The following PRKD1 variants were observed in gnomAD, a reference collection of about 807,000 sequenced individuals.
PRKD1 encodes protein kinase D1, also known as serine/threonine-protein kinase D1.
In PRKD1, 63 loss-of-function variants were observed where a neutral mutation model predicts 95.9. That is an observed-to-expected ratio of 0.66 (90% CI 0.54 to 0.81). The LOEUF (loss-of-function observed/expected upper bound fraction) is 0.81. PRKD1 is among the 30% of genes least tolerant of loss of function. The pLI is 0.00. For missense variants in PRKD1, 1,048 were observed against 1,165.3 expected, an observed-to-expected ratio of 0.90 and a Z score of 1.47; for synonymous variants, 425 against 423.1, an observed-to-expected ratio of 1.00 and a Z score of -0.05.
chr14:29,882,131 T>C (rs569830592), intron 1 of PRKD1, among the ~76,000 whole-genome samples: 6 of 147,812 alleles, frequency 4.1e-5, no homozygotes, highest in Non-Finnish European at 6.0e-5. Flanking sequence ...TGAATAACTT[T>C]CTTGATTACA....
chr14:29,599,177 T>C, intron 14 of PRKD1, 52 bp from the exon 15 acceptor site: 1 of 1,502,212 alleles, frequency 6.7e-7, no homozygotes, highest in Non-Finnish European at 9.2e-7. Context: ...TTTCAAAATG[T>C]CTTCTACCAG....
intron 1 of PRKD1, among the ~76,000 whole-genome samples, chr14:29,809,353 C>G (rs756276297): frequency 5.9e-5 from 9 of 152,238 alleles, no homozygotes; most frequent in Non-Finnish European, 1.3e-4. Context: ...ACAAGGGAGT[C>G]AGCCTCTGCT....
chr14:29,826,343 T>C (rs868569332), intron 1 of PRKD1, among the ~76,000 whole-genome samples: 1 of 8,612 alleles, frequency 1.2e-4, no homozygotes, highest in African/African-American at 4.5e-4. Context: ...AATATATATA[T>C]ACATATATAT....
intron 14 of PRKD1, 53 bp from the exon 15 acceptor site, chr14:29,599,178 C>A: frequency 6.7e-7 from 1 of 1,494,158 alleles, no homozygotes. Flanking sequence ...TTCAAAATGT[C>A]TTCTACCAGT....
At chr14:29,814,338 T>C (rs1258709439) in intron 1 of PRKD1, among the ~76,000 whole-genome samples, 3 of 152,182 alleles carry the variant, frequency 2.0e-5, no homozygotes, top group Non-Finnish European at 4.4e-5. Context: ...TCTTCCTCTT[T>C]CCAAGTTTCA....
At chr14:29,903,630 G>A (rs1894397015) in intron 1 of PRKD1, among the ~76,000 whole-genome samples, 1 of 152,122 alleles carries the variant, frequency 6.6e-6, no homozygotes, top group South Asian at 2.1e-4. Flanking sequence ...AAGCCATTCT[G>A]AAGACTCAAA....
At chr14:29,692,201 T>C (rs1300988237) in intron 2 of PRKD1, among the ~76,000 whole-genome samples, 3 of 128,392 alleles carry the variant, frequency 2.3e-5, no homozygotes, top group African/African-American at 1.1e-4. Context: ...CAGAAAAAAC[T>C]TCCTGTTCAT....
chr14:29,795,622 T>C (rs1889779334), intron 1 of PRKD1, among the ~76,000 whole-genome samples: 1 of 152,148 alleles, frequency 6.6e-6, no homozygotes, highest in South Asian at 2.1e-4. Flanking sequence ...ATCAGAGTTC[T>C]TTTCTACTGT....
rs45596841 is a variant in PRKD1, at chr14:29,666,840, T to A, written c.404-632A>T. 3.3e-3 allele frequency among the ~76,000 whole-genome samples: 510 copies of A among 152,280 alleles called. 3 individuals are homozygous for A. Among genetic ancestry groups the A allele is most frequent in the African/African-American group, 0.012 (481 of 41,554 alleles). On this transcript the variant is annotated intron_variant, in intron 2 of 17. Transcript: ENST00000331968. ...GAGAGGGATTTAATACATACGCTGGTGAACTGCAGTCCATTCTGAGAAATA... is the reference window on the plus strand; with the variant it reads ...GAGAGGGATTTAATACATACGCTGGAGAACTGCAGTCCATTCTGAGAAATA...
At chr14:29,607,880 T>TG (rs939326916) in intron 13 of PRKD1, among the ~76,000 whole-genome samples, 128 of 152,240 alleles carry the variant, frequency 8.4e-4, no homozygotes, top group African/African-American at 2.9e-3. Flanking sequence ...CAGGGGTATG[T>TG]GGGGGGGCAT....
chr14:29,675,158 G>A (rs1389023610), intron 2 of PRKD1, among the ~76,000 whole-genome samples: 6 of 152,186 alleles, frequency 3.9e-5, no homozygotes, highest in Admixed American at 1.3e-4. Flanking sequence ...TCTTCACGAA[G>A]ATTCATGACT....
chr14:29,648,733 C>A (rs919849060), intron 4 of PRKD1, among the ~76,000 whole-genome samples: 1 of 152,126 alleles, frequency 6.6e-6, no homozygotes, highest in Non-Finnish European at 1.5e-5. Flanking sequence ...CGGCTCACTG[C>A]CAGCTCTGCC....
Position 29,679,547 on chromosome 14 carries a change from T to C in PRKD1, c.404-13339A>G, listed in dbSNP as rs1013910578. Among the ~76,000 whole-genome samples, 15 of 152,302 alleles carry C rather than the reference T, an allele frequency of 9.8e-5. 1 individual carries two copies. The East Asian group carries it at 2.9e-3, about 29-fold the overall frequency. ...ATTCATAGTCAACCTTCTAGGATTA[T>C]ATATTCTAGCTAAAGAGCTGTGATA... is the stretch of plus-strand genomic sequence containing the variant. On this transcript the variant is annotated intron_variant, in intron 2 of 17. Transcript: ENST00000331968.
intron 4 of PRKD1, among the ~76,000 whole-genome samples, chr14:29,654,325 C>G (rs952751510): frequency 7.2e-5 from 11 of 152,032 alleles, no homozygotes; most frequent in Non-Finnish European, 1.5e-4. Flanking sequence ...GTGCGTGCCA[C>G]CATGCCTGGC....
At chr14:29,844,952 A>G (rs1353566305) in intron 1 of PRKD1, among the ~76,000 whole-genome samples, 2 of 152,194 alleles carry the variant, frequency 1.3e-5, no homozygotes, top group South Asian at 2.1e-4. Flanking sequence ...TAATGACCAT[A>G]TAACATTTCT....
chr14:29,871,587 A>G (rs1893110504), intron 1 of PRKD1, among the ~76,000 whole-genome samples: 2 of 152,206 alleles, frequency 1.3e-5, no homozygotes, highest in Non-Finnish European at 2.9e-5. Flanking sequence ...AGTGTAACTA[A>G]TGTAGGATTA....
intron 1 of PRKD1, among the ~76,000 whole-genome samples, chr14:29,764,713 T>C (rs1387350763): frequency 6.6e-6 from 1 of 152,180 alleles, no homozygotes; most frequent in Non-Finnish European, 1.5e-5. Context: ...AATTATATCC[T>C]AAAGGCCACA....
At chr14:29,713,661 T>C (rs1391182257) in intron 2 of PRKD1, among the ~76,000 whole-genome samples, 1 of 152,154 alleles carries the variant, frequency 6.6e-6, no homozygotes, top group Non-Finnish European at 1.5e-5. Flanking sequence ...CATTCATAAA[T>C]GGTACAAATA....
intron 4 of PRKD1, among the ~76,000 whole-genome samples, chr14:29,648,828 G>A (rs1176346521): frequency 6.6e-6 from 1 of 152,080 alleles, no homozygotes; most frequent in Non-Finnish European, 1.5e-5. Context: ...CTAATTTTTT[G>A]TATTTTTAGT....
Sources: allele counts gnomAD v4.1 joint callset (sites outside exome capture counted in the v4.1 genomes callset), GRCh38; gene constraint gnomAD v4.1.1; transcripts MANE v1.5; gene names NCBI Gene and HGNC (gene_info 2026-07-23, HGNC 2026-07-21).